Variants in GCSAML observed in about 807,000 individuals in gnomAD.
GCSAML encodes the protein germinal center associated signaling and motility like.
Under a neutral mutation model 13.0 loss-of-function variants are expected in GCSAML, and 9 were observed. The observed-to-expected ratio is 0.69, with a 90% CI of 0.42 to 1.21. The LOEUF is 1.21. Ranked by LOEUF, GCSAML falls within the 50% of genes most tolerant of loss-of-function variation. The pLI is 0.00. For missense variants in GCSAML, 143 were observed against 153.4 expected, an observed-to-expected ratio of 0.93 and a Z score of 0.36; for synonymous variants, 37 against 52.9, an observed-to-expected ratio of 0.70 and a Z score of 1.31.
At chr1:247,552,397 C>T (rs1667805670) in intron 1 of GCSAML, among the ~76,000 whole-genome samples, 1 of 152,122 alleles carries the variant, frequency 6.6e-6, no homozygotes, top group Non-Finnish European at 1.5e-5. Context: ...TGCAGAGAGC[C>T]TCCTGTTGCT....
rs1668826174 is a variant in GCSAML at position 247,576,138 on chromosome 1, C to T, written c.*1756C>T. 6.6e-6 allele frequency: 1 copy of T among 152,060 alleles called. No homozygotes were observed. Among genetic ancestry groups the T allele is most frequent in the Non-Finnish European group, 1.5e-5 (1 of 68,008 alleles). The allele number at this position is 152,060 out of a possible 1,614,324, so 9.4% of individuals were successfully genotyped here. On this transcript the variant is annotated 3_prime_UTR_variant, in exon 5 of 5. Coordinates refer to ENST00000366488, the MANE Select transcript of GCSAML (RefSeq NM_145278.5). Reference sequence around the variant, plus strand: ...TTTGATATACACCTTATCTGAATAGCCTGAAGGTAATTTTATACAATATTT... The same window carrying T: ...TTTGATATACACCTTATCTGAATAGTCTGAAGGTAATTTTATACAATATTT...
At chr1:247,574,018 G>A (rs935912427) in intron 4 of GCSAML, 125 bp from the exon 5 acceptor site, 24 of 1,002,920 alleles carry the variant, frequency 2.4e-5, no homozygotes, top group Non-Finnish European at 3.1e-5. Context: ...AGGAATGCTT[G>A]GGTTTTGGAT....
In GCSAML at chr1:247,574,115, TG is replaced by T. The variant is rs558787956; in HGVS notation, c.169-27del. ...CAATTTATGAATGACCGTGGATCCT[TG>T]ATTTCTTTTCTCTTTGTGCTTGGCA... On this transcript the variant is annotated intron_variant, in intron 4 of 4. Transcript: ENST00000366488. The T allele has an allele frequency of 2.7e-4, 434 of 1,612,436 alleles. No individual in the cohort carries two copies. The African/African-American group carries it at 3.0e-3, about 11-fold the overall frequency.
rs1213731614 is a variant in GCSAML, at chr1:247,522,514, G to A, written c.-262-4426G>A. On this transcript the variant is annotated intron_variant, in intron 1 of 5. Coordinates refer to the GCSAML transcript ENST00000366489. ...GAAAAGATAGAGAAATCAGACTGTGGCTGTGTCTGTGTAGAAGGAGGTAGA... is the reference window on the plus strand; with the variant it reads ...GAAAAGATAGAGAAATCAGACTGTGACTGTGTCTGTGTAGAAGGAGGTAGA... Among the ~76,000 whole-genome samples, 15 of 152,296 alleles carry A rather than the reference G, an allele frequency of 9.8e-5. No individual in the cohort carries two copies. The East Asian group carries it at 2.7e-3, about 27-fold the overall frequency.
Position 247,565,789 on chromosome 1 carries a change from T to C in GCSAML, c.140-142T>C. On this transcript the variant is annotated intron_variant, in intron 3 of 4. Transcript: ENST00000366488. ...TCAGTTATAAGATGGGGCAATGTCA[T>C]GTCAGATGTTTAGATAATAGGCCTC... is the stretch of plus-strand genomic sequence containing the variant. 4.7e-6 allele frequency: 3 copies of C among 639,814 alleles called. 1 individual carries two copies. Among genetic ancestry groups the C allele is most frequent in the South Asian group, 4.1e-5 (2 of 48,364 alleles). 39.6% of individuals were successfully genotyped at this position (639,814 alleles called of 1,614,324 possible).
At position 247,527,049 on chromosome 1, in the gene GCSAML, T is replaced by C. The variant is rs1474825265; in HGVS notation, c.-153T>C. On this transcript the variant is annotated 5_prime_UTR_variant, in exon 2 of 6. Coordinates refer to the GCSAML transcript ENST00000366489. This position sits in a 1 kb window ranked among gnomAD's most constrained non-coding sequence, Gnocchi z 4.6. Reference sequence around the variant, plus strand: ...GTTTCTTTCAGTTCTTGGATGCCAATCTGAGGTACAAATCACATTTCAAGT... The same window carrying C: ...GTTTCTTTCAGTTCTTGGATGCCAACCTGAGGTACAAATCACATTTCAAGT... 2.2e-6 allele frequency: 1 copy of C among 456,648 alleles called. No individual in the cohort carries two copies. The highest frequency in any genetic ancestry group is 4.4e-6 in the Non-Finnish European group (1 of 226,992). The allele number at this position is 456,648 out of a possible 1,614,324, so 28.3% of individuals were successfully genotyped here. A position where few individuals can be genotyped will look rare whatever the true frequency, so the allele number is the denominator to read the frequency against.
intron 3 of GCSAML, among the ~76,000 whole-genome samples, chr1:247,564,366 T>C (rs1349587859): frequency 2.1e-5 from 3 of 143,666 alleles, no homozygotes; most frequent in Non-Finnish European, 4.5e-5. Context: ...CTGAGCAATG[T>C]AGCAAGAGCC....
At position 247,574,437 on chromosome 1, in the gene GCSAML, A is replaced by G. The variant is rs548193637; in HGVS notation, c.*55A>G. ...CAATGAAGACAATGCAGAATAGCAG[A>G]CTCTGGCGAAGTTGTTCACCCTGAG... On this transcript the variant is annotated 3_prime_UTR_variant, in exon 5 of 5. Transcript: ENST00000366488. 46 of 1,590,708 alleles carry G rather than the reference A, an allele frequency of 2.9e-5. No individual in the cohort carries two copies. The South Asian group carries it at 4.8e-4, about 17-fold the overall frequency.
At chr1:247,518,895 G>A (rs1295070494) in intron 1 of GCSAML, among the ~76,000 whole-genome samples, 1 of 152,020 alleles carries the variant, frequency 6.6e-6, no homozygotes, top group Non-Finnish European at 1.5e-5. Flanking sequence ...AGGCTGAAGC[G>A]GGAGGATCGC....
chr1:247,513,846 T>C (rs1666125274), intron 1 of GCSAML, among the ~76,000 whole-genome samples: 1 of 152,158 alleles, frequency 6.6e-6, no homozygotes, highest in African/African-American at 2.4e-5. Context: ...CTGCACCCAC[T>C]TTCTAACCAG....
intron 1 of GCSAML, among the ~76,000 whole-genome samples, chr1:247,524,152 A>G (rs544959597): frequency 1.3e-5 from 2 of 152,330 alleles, no homozygotes; most frequent in East Asian, 3.9e-4. Flanking sequence ...AAGGCTTATC[A>G]TGCCCTTTAC....
At chr1:247,563,087 A>G (rs1438633191) in intron 2 of GCSAML, among the ~76,000 whole-genome samples, 4 of 150,296 alleles carry the variant, frequency 2.7e-5, no homozygotes, top group South Asian at 4.2e-4. Context: ...TAACCTCGTG[A>G]TCTGCCCGCC....
chr1:247,557,550 G>A (rs1667997080), intron 2 of GCSAML, among the ~76,000 whole-genome samples: 1 of 152,072 alleles, frequency 6.6e-6, no homozygotes, highest in South Asian at 2.1e-4. Flanking sequence ...TCTTTTCCAT[G>A]GTATGAAGGG....
At chr1:247,569,419 G>T (rs1423915779) in intron 4 of GCSAML, among the ~76,000 whole-genome samples, 4 of 152,014 alleles carry the variant, frequency 2.6e-5, no homozygotes, top group Admixed American at 2.6e-4. Context: ...GCATGAAGGG[G>T]TGTTAAATTT....
rs1572301277 is a variant in GCSAML, at chr1:247,526,588, C to T, written c.-262-352C>T. ...CACAGTCAATGTGGCCTGGGTCCTTCACTCTCCACATTTCTCAGCTGTGCA... is the reference window on the plus strand; with the variant it reads ...CACAGTCAATGTGGCCTGGGTCCTTTACTCTCCACATTTCTCAGCTGTGCA... On this transcript the variant is annotated intron_variant, in intron 1 of 5. Coordinates refer to the GCSAML transcript ENST00000366489. This position sits in a 1 kb window ranked among gnomAD's most constrained non-coding sequence, Gnocchi z 4.8. The T allele has an allele frequency of 9.9e-5, 19 of 191,832 alleles. No homozygotes were observed. The South Asian group carries it at 1.8e-3, about 18-fold the overall frequency. The allele number at this position is 191,832 out of a possible 1,614,324, so 11.9% of individuals were successfully genotyped here.
At chr1:247,521,760 C>T (rs1666439958) in intron 1 of GCSAML, among the ~76,000 whole-genome samples, 1 of 152,202 alleles carries the variant, frequency 6.6e-6, no homozygotes, top group African/African-American at 2.4e-5. Flanking sequence ...CCTGCCTTGG[C>T]CTCCCAAAGT....
intron 1 of GCSAML, among the ~76,000 whole-genome samples, chr1:247,519,911 T>G (rs1666355211): frequency 6.6e-6 from 1 of 152,206 alleles, no homozygotes. Flanking sequence ...ATGGGAGAGT[T>G]TGCCAGGATA....
chr1:247,574,170 G>C lies in GCSAML; in HGVS notation c.196G>C (p.Glu66Gln), dbSNP rs1668743166. The C allele has an allele frequency of 6.2e-7, 1 of 1,614,046 alleles. No individual in the cohort carries two copies. Among genetic ancestry groups the C allele is most frequent in the East Asian group, 2.2e-5 (1 of 44,868 alleles). The stretch of plus-strand genomic sequence containing the variant: ...AAACGAGAATGGCAGTGGTTCTGAA[G>C]AAGTGTGCTACACTGTCATTAATCA... The part of the protein sequence containing the change: ...QENENGSGSE[E>Q]VCYTVINHIP... Residue 66 changes from glutamate to glutamine, a missense_variant, in exon 5 of 5, where the codon GAA becomes CAA. Transcript: ENST00000366488.
rs144300288 is a variant in GCSAML, at chr1:247,516,850, CTTT to C, written c.-263+9623_-263+9625del. Among the ~76,000 whole-genome samples the C allele has an allele frequency of 9.3e-4, 141 of 152,060 alleles. 3 individuals are homozygous for C. In the South Asian group the frequency reaches 0.028, roughly 31 times the overall value. On this transcript the variant is annotated intron_variant, in intron 1 of 5. Coordinates refer to the GCSAML transcript ENST00000366489. ...TTTAATTGTTGACATACAGAAAATACTTTTTTTTCAGTTAATTTCTTAATTATA... is the reference window on the plus strand; with the variant it reads ...TTTAATTGTTGACATACAGAAAATACTTTTTCAGTTAATTTCTTAATTATA...
Sources: gnomAD v4.1 joint callset for allele counts (sites outside exome capture counted in the v4.1 genomes callset) on GRCh38, gnomAD v4.1.1 for gene constraint, Gnocchi (gnomAD v3.1) non-coding constraint, MANE v1.5 for transcripts, NCBI Gene and HGNC (gene_info 2026-07-23, HGNC 2026-07-21) for gene names.